The following ARHGAP27 variants were observed in gnomAD, a reference collection of about 807,000 sequenced individuals.
ARHGAP27 encodes the protein Rho GTPase activating protein 27.
A neutral mutation model predicts 102.0 loss-of-function variants in ARHGAP27; 53 were observed. That is an observed-to-expected ratio of 0.52 (90% confidence interval 0.42 to 0.65). ARHGAP27 has a LOEUF of 0.65. Among genes scored for constraint, ARHGAP27 ranks in the 30% least tolerant of loss-of-function variants. ARHGAP27 has a pLI of 0.00. For missense variants in ARHGAP27, 1,117 were observed against 1,256.2 expected, an observed-to-expected ratio of 0.89 and a Z score of 1.68; for synonymous variants, 525 against 542.8, an observed-to-expected ratio of 0.97 and a Z score of 0.46.
rs139027396 is a variant in ARHGAP27, at chr17:45,396,976, C to G, written c.1891G>C (p.Gly631Arg). 5.1e-4 allele frequency: 820 copies of G among 1,605,414 alleles called. 7 individuals are homozygous for G. The African/African-American group carries it at 9.2e-3, about 18-fold the overall frequency. The change falls in exon 14 of 20, where the codon GGG becomes CGG. Residue 631 changes from glycine (G) to arginine (R), a missense_variant. Gly to Arg is a moderately radical substitution (Grantham distance 125). Transcript: ENST00000685559. The part of the protein sequence containing the change: ...EESESSRVDF[G>R]SSERLGSWQE... The stretch of plus-strand genomic sequence containing the variant: ...CAGCTTCCCAAGCGCTCGCTCGACC[C>G]GAAGTCCACTCTGCTGCTCTCGCTC...
Position 45,395,570 on chromosome 17 carries a change from G to A in ARHGAP27, c.2556C>T (p.Pro852=), listed in dbSNP as rs1350380962. 1 of 1,605,610 alleles carries A rather than the reference G, an allele frequency of 6.2e-7. No homozygotes were observed. Among genetic ancestry groups the A allele is most frequent in the Non-Finnish European group, 8.5e-7 (1 of 1,176,356 alleles). The change falls in exon 20 of 20, where the codon CCC becomes CCT. Residue 852 remains proline, a synonymous_variant. Coordinates refer to ENST00000685559, the MANE Select transcript of ARHGAP27 (RefSeq NM_001282290.2). ...SVQSVAIVFG[P]TLLRPEVEET... ...CTTCCACCTCGGGCCGCAGCAGCGT[G>A]GGCCCGAACACAATGGCCACGCTCT...
At position 45,426,712 on chromosome 17, in the gene ARHGAP27, G is replaced by A. The variant is rs192915990; in HGVS notation, c.657+2911C>T. 3.3e-3 allele frequency among the ~76,000 whole-genome samples: 499 copies of A among 151,978 alleles called. 1 individual carries two copies. Among genetic ancestry groups the A allele is most frequent in the African/African-American group, 0.01 (427 of 41,410 alleles). ...TGCCCACCCACCTGAGCCTGGGGAC[G>A]GTTCCATCCATGACCCTACACCCCC... On this transcript the variant is annotated intron_variant, in intron 4 of 19. Transcript: ENST00000685559.
At chr17:45,403,445 A>G (rs1396759862) in intron 11 of ARHGAP27, among the ~76,000 whole-genome samples, 174 bp downstream of exon 11, 4 of 152,308 alleles carry the variant, frequency 2.6e-5, no homozygotes, top group Middle Eastern at 3.4e-3. Context: ...CTGTAGTCCT[A>G]GCTACTCGAG....
chr17:45,416,479 T>C (rs1234804502), intron 4 of ARHGAP27, among the ~76,000 whole-genome samples: 4 of 151,908 alleles, frequency 2.6e-5, no homozygotes, highest in Non-Finnish European at 4.4e-5. Flanking sequence ...TTTTTTTTTT[T>C]CTAGTAGAGC....
At chr17:45,401,708 G>A (rs2046460096) in intron 12 of ARHGAP27, 1 of 152,190 alleles carries the variant, frequency 6.6e-6, no homozygotes, top group Non-Finnish European at 1.5e-5. Flanking sequence ...TTAGGAAAAA[G>A]CTTTGATTCC....
At chr17:45,395,717 C>A (rs755391425) in intron 19 of ARHGAP27, 27 bp downstream of exon 19, 34 of 1,574,016 alleles carry the variant, frequency 2.2e-5, no homozygotes, top group African/African-American at 9.4e-5. Flanking sequence ...CCTGCCTCCC[C>A]CTTCCCGCGC....
chr17:45,398,656 C>T (rs1445581272), intron 12 of ARHGAP27, among the ~76,000 whole-genome samples: 1 of 151,918 alleles, frequency 6.6e-6, no homozygotes, highest in Non-Finnish European at 1.5e-5. Context: ...ACTGCTTGAA[C>T]CCGGGAAGCG....
At position 45,405,998 on chromosome 17, in the gene ARHGAP27, G is replaced by A; in HGVS notation, c.743C>T (p.Pro248Leu). The A allele has an allele frequency of 6.5e-7, 1 of 1,535,442 alleles. No homozygotes were observed. Among genetic ancestry groups the A allele is most frequent in the South Asian group, 1.2e-5 (1 of 84,020 alleles). ...CGTGTGCGTCTCCCACACCGGGCTG[G>A]GAAGGGGGGCTGCAGCGGCGCCCGG... is the stretch of plus-strand genomic sequence containing the variant. ...TSPGAAAAPL[P>L]SPVWETHTDA... The change falls in exon 5 of 20, where the codon CCC becomes CTC. Residue 248 changes from proline (P) to leucine (L), a missense_variant. Physicochemically the swap from Pro to Leu is moderately conservative, Grantham distance 98. This residue lies in a region of ARHGAP27 where 610 missense variants were observed against 716.4 expected (regional missense o/e 0.85). Coordinates refer to ENST00000685559, the MANE Select transcript of ARHGAP27 (RefSeq NM_001282290.2).
At position 45,395,552 on chromosome 17, in the gene ARHGAP27, C is replaced by G; in HGVS notation, c.2574G>C (p.Glu858Asp). Residue 858 changes from glutamate (E) to aspartate (D), a missense_variant, in exon 20 of 20, where the codon GAG (glutamate) becomes GAC (aspartate). Glu to Asp is a conservative substitution (Grantham distance 45). Around this residue, in one of 3 missense-constraint regions of ARHGAP27, gnomAD observed 493 missense variants for 505.5 expected, o/e 0.98. Transcript: ENST00000685559. ...IVFGPTLLRPEVEETSMPMTM... is the reference protein window; with the variant it reads ...IVFGPTLLRPDVEETSMPMTM... The stretch of plus-strand genomic sequence containing the variant: ...TCATGGGCATGCTGGTCTCTTCCAC[C>G]TCGGGCCGCAGCAGCGTGGGCCCGA... 2 of 1,604,102 alleles carry G rather than the reference C, an allele frequency of 1.2e-6. No homozygotes were observed. The highest frequency in any genetic ancestry group is 1.7e-6 in the Non-Finnish European group (2 of 1,175,614).
At chr17:45,429,575 G>C in intron 4 of ARHGAP27, 48 bp downstream of exon 4, 1 of 1,576,680 alleles carries the variant, frequency 6.3e-7, no homozygotes, top group Non-Finnish European at 8.6e-7. Flanking sequence ...TGCGGGCGCG[G>C]TCCCTAGCGC....
At position 45,395,329 on chromosome 17, in the gene ARHGAP27, A is replaced by C. The variant is rs2045460806; in HGVS notation, c.*127T>G. On this transcript the variant is annotated 3_prime_UTR_variant, in exon 20 of 20. Transcript: ENST00000685559. ...CGTACCCTCAGAACCGAGGGTGCAG[A>C]AGTCACACCGGCCTGCGGCTATGCG... is the stretch of plus-strand genomic sequence containing the variant. 1 of 1,240,514 alleles carries C rather than the reference A, an allele frequency of 8.1e-7. No homozygotes were observed. The highest frequency in any genetic ancestry group is 1.1e-6 in the Non-Finnish European group (1 of 916,008). 76.8% of individuals were successfully genotyped at this position (1,240,514 alleles called of 1,614,324 possible). A position where few individuals can be genotyped will look rare whatever the true frequency, so the allele number is the denominator to read the frequency against.
rs145960769 is a variant in ARHGAP27 at position 45,403,634 on chromosome 17, C to A, written c.1623G>T (p.Ser541=). The A allele has an allele frequency of 5.6e-6, 9 of 1,613,808 alleles. No individual in the cohort carries two copies. The highest frequency in any genetic ancestry group is 7.6e-6 in the Non-Finnish European group (9 of 1,180,002). The change falls in exon 11 of 20, where the codon TCG becomes TCT. Residue 541 remains serine, a synonymous_variant. Coordinates refer to ENST00000685559, the MANE Select transcript of ARHGAP27 (RefSeq NM_001282290.2). ...CTGGCCTTACCAGGCCGCCTGCAGC[C>A]GAGGTCTTTGAGTCCTTGAAGAATG... ...VLTFFKDSKT[S]AAGGLRQPSK... is the part of the protein sequence containing the mutation.
chr17:45,396,979 A>G lies in ARHGAP27; in HGVS notation c.1888T>C (p.Phe630Leu), dbSNP rs2045818509. ...CTTCCCAAGCGCTCGCTCGACCCGAAGTCCACTCTGCTGCTCTCGCTCTCC... is the reference window on the plus strand; with the variant it reads ...CTTCCCAAGCGCTCGCTCGACCCGAGGTCCACTCTGCTGCTCTCGCTCTCC... ...PEESESSRVD[F>L]GSSERLGSWQ... is the part of the protein sequence containing the mutation. Residue 630 changes from phenylalanine (F) to leucine (L), a missense_variant, in exon 14 of 20, where the codon TTC becomes CTC. Transcript: ENST00000685559. 1 of 1,605,302 alleles carries G rather than the reference A, an allele frequency of 6.2e-7. No individual in the cohort carries two copies. The highest frequency in any genetic ancestry group is 8.5e-7 in the Non-Finnish European group (1 of 1,179,964).
In ARHGAP27 at chr17:45,430,978, G is replaced by A. The variant is rs756873447; in HGVS notation, c.-19+643C>T. ...TCGGTTTCTCTTTCCTTCCCCAGCT[G>A]CATCACCGCAGACGTGAGCCCGAGC... On this transcript the variant is annotated intron_variant, in intron 3 of 19. Coordinates refer to ENST00000685559, the MANE Select transcript of ARHGAP27 (RefSeq NM_001282290.2). The surrounding 1 kb of genome is among the most constrained non-coding windows in gnomAD (Gnocchi z 4.4). Among the ~76,000 whole-genome samples, 11 of 152,012 alleles carry A rather than the reference G, an allele frequency of 7.2e-5. No homozygotes were observed. Among genetic ancestry groups the A allele is most frequent in the Admixed American group, 1.3e-4 (2 of 15,274 alleles).
intron 4 of ARHGAP27, among the ~76,000 whole-genome samples, chr17:45,428,162 C>T (rs1276690882): frequency 6.6e-6 from 1 of 152,248 alleles, no homozygotes; most frequent in Non-Finnish European, 1.5e-5. Flanking sequence ...GGCAGGCACC[C>T]TCCCACCGTC....
chr17:45,395,600 C>T lies in ARHGAP27; in HGVS notation c.2526G>A (p.Ser842=), dbSNP rs978211800. The T allele has an allele frequency of 6.2e-7, 1 of 1,607,512 alleles. No individual in the cohort carries two copies. Among genetic ancestry groups the T allele is most frequent in the Admixed American group, 1.7e-5 (1 of 59,334 alleles). The change falls in exon 20 of 20, where the codon TCG becomes TCA. Residue 842 remains serine (S), a synonymous_variant. Coordinates refer to ENST00000685559, the MANE Select transcript of ARHGAP27 (RefSeq NM_001282290.2). ...CGAACACAATGGCCACGCTCTGCAC[C>T]GACATGCGGTTCTGCTCGCCGTGCT... is the stretch of plus-strand genomic sequence containing the variant. ...VIEHGEQNRM[S]VQSVAIVFGP...
rs1419902706 is a variant in ARHGAP27, at chr17:45,395,539, T to C, written c.2587A>G (p.Ser863Gly). Residue 863 changes from serine to glycine, a missense_variant, in exon 20 of 20, where the codon AGC becomes GGC. Transcript: ENST00000685559. ...TGGAACACCATGGTCATGGGCATGCTGGTCTCTTCCACCTCGGGCCGCAGC... is the reference window on the plus strand; with the variant it reads ...TGGAACACCATGGTCATGGGCATGCCGGTCTCTTCCACCTCGGGCCGCAGC... ...TLLRPEVEET[S>G]MPMTMVFQNQ... 6.2e-7 allele frequency: 1 copy of C among 1,603,120 alleles called. No individual in the cohort carries two copies. The highest frequency in any genetic ancestry group is 1.7e-5 in the Admixed American group (1 of 58,718).
intron 1 of ARHGAP27, 42 bp downstream of exon 1, chr17:45,432,708 ACC>A (rs1298638622): frequency 2.4e-5 from 2 of 82,218 alleles, no homozygotes; most frequent in African/African-American, 8.8e-5. Context: ...CCCACCCCCA[ACC>A]CCCGCTCGGC....
rs2144110432 is a variant in ARHGAP27, at chr17:45,395,788, A to G, written c.2448T>C (p.Ala816=). 2 of 1,605,356 alleles carry G rather than the reference A, an allele frequency of 1.2e-6. No individual in the cohort carries two copies. Among genetic ancestry groups the G allele is most frequent in the Middle Eastern group, 3.3e-4 (2 of 6,052 alleles). Residue 816 remains alanine (A), a synonymous_variant, in exon 19 of 20, where the codon GCT becomes GCC. Transcript: ENST00000685559. ...GCATCCGCAGAGTGTCGTGGTTGGG[A>G]GCGGGCAGCGAGCGCACCAAGTCAC... ...CVRDLVRSLP[A]PNHDTLRMLF...
Sources: allele counts gnomAD v4.1 joint callset (sites outside exome capture counted in the v4.1 genomes callset), GRCh38; gene constraint gnomAD v4.1.1; regional missense constraint gnomAD v4.1.1; non-coding constraint Gnocchi (gnomAD v3.1); transcripts MANE v1.5; gene names NCBI Gene and HGNC (gene_info 2026-07-23, HGNC 2026-07-21).